PIKFYVE: variants seen among roughly 807,000 people sequenced by gnomAD.
The protein encoded by PIKFYVE is phosphoinositide kinase, FYVE-type zinc finger containing, also known as 1-phosphatidylinositol 3-phosphate 5-kinase.
Under a neutral mutation model 257.9 loss-of-function variants are expected in PIKFYVE, and 122 were observed. That is an observed-to-expected ratio of 0.47 (90% CI 0.41 to 0.55). The LOEUF is 0.55. Ranked by LOEUF, PIKFYVE falls within the 20% of genes least tolerant of loss-of-function variation. PIKFYVE has a pLI of 0.00. For missense variants in PIKFYVE, 2,160 were observed against 2,536.6 expected, an observed-to-expected ratio of 0.85 and a Z score of 3.19; for synonymous variants, 892 against 868.9, an observed-to-expected ratio of 1.03 and a Z score of -0.47.
chr2:208,351,882 A>C (rs1699807045), intron 38 of PIKFYVE, among the ~76,000 whole-genome samples: 1 of 152,124 alleles, frequency 6.6e-6, no homozygotes, highest in Non-Finnish European at 1.5e-5. Flanking sequence ...ACCAGGCCGC[A>C]CCTCCAACAT....
chr2:208,350,187 C>G, intron 36 of PIKFYVE, 104 bp downstream of exon 36: 4 of 1,500,396 alleles, frequency 2.7e-6, no homozygotes, highest in Non-Finnish European at 2.7e-6. Context: ...TGTCCCAGTT[C>G]TTGAAATGAA....
chr2:208,282,560 GA>G (rs1225411945), intron 5 of PIKFYVE, among the ~76,000 whole-genome samples: 24 of 152,288 alleles, frequency 1.6e-4, no homozygotes, highest in Admixed American at 1.5e-3. Flanking sequence ...TTTTTCTTCA[GA>G]AAACTTTAGT....
chr2:208,319,474 TTGTA>T (rs1695950716), intron 16 of PIKFYVE, among the ~76,000 whole-genome samples: 1 of 152,092 alleles, frequency 6.6e-6, no homozygotes, highest in Non-Finnish European at 1.5e-5. Flanking sequence ...TGAGGAAAAT[TTGTA>T]TGTGGGTGTG....
chr2:208,292,236 A>G (rs1418103235), intron 7 of PIKFYVE, among the ~76,000 whole-genome samples: 1 of 152,016 alleles, frequency 6.6e-6, no homozygotes, highest in African/African-American at 2.4e-5. Context: ...GTTTTGGTGA[A>G]TGTTCCATGT....
chr2:208,325,198 T>A, intron 19 of PIKFYVE, 72 bp from the exon 20 acceptor site: 1 of 1,560,736 alleles, frequency 6.4e-7, no homozygotes, highest in Non-Finnish European at 8.8e-7. Flanking sequence ...ATTAAGAGAG[T>A]GAATTAATTC....
chr2:208,283,299 C>T (rs760836781), intron 5 of PIKFYVE, among the ~76,000 whole-genome samples: 4 of 152,148 alleles, frequency 2.6e-5, no homozygotes, highest in Non-Finnish European at 5.9e-5. Flanking sequence ...ATGTGTGTTG[C>T]CTCCAGTGGC....
intron 5 of PIKFYVE, among the ~76,000 whole-genome samples, chr2:208,280,836 T>C (rs1051299494): frequency 4.6e-5 from 7 of 152,226 alleles, no homozygotes; most frequent in African/African-American, 1.4e-4. Flanking sequence ...GTGGAGACAT[T>C]ATGATCAACT....
chr2:208,340,242 T>C (rs1698569424), intron 31 of PIKFYVE, 111 bp downstream of exon 31: 17 of 1,363,644 alleles, frequency 1.2e-5, no homozygotes, highest in Non-Finnish European at 1.7e-5. Context: ...TCCTAAATTT[T>C]ATTTCATTTT....
intron 6 of PIKFYVE, among the ~76,000 whole-genome samples, chr2:208,286,195 G>A (rs1290766338): frequency 2.0e-5 from 3 of 152,128 alleles, no homozygotes; most frequent in African/African-American, 4.8e-5. Context: ...CAAGAACAGC[G>A]CATGGCATGT....
At chr2:208,300,336 T>G (rs552521157) in intron 8 of PIKFYVE, among the ~76,000 whole-genome samples, 2 of 152,302 alleles carry the variant, frequency 1.3e-5, no homozygotes, top group South Asian at 4.1e-4. Flanking sequence ...ACATTTTCCA[T>G]GGCCAGAAGT....
intron 7 of PIKFYVE, among the ~76,000 whole-genome samples, chr2:208,292,998 T>G (rs929747722): frequency 1.3e-5 from 2 of 152,114 alleles, no homozygotes; most frequent in Non-Finnish European, 2.9e-5. Context: ...TTTTGTCTTC[T>G]GTACCTTTTC....
intron 21 of PIKFYVE, 64 bp downstream of exon 21, chr2:208,328,344 CA>C: frequency 6.3e-7 from 1 of 1,592,812 alleles, no homozygotes; most frequent in Non-Finnish European, 8.6e-7. Context: ...TAAAAAAAAA[CA>C]AAAACAAAAA....
Position 208,352,723 on chromosome 2 carries a change from G to T in PIKFYVE, c.5785G>T (p.Glu1929Ter). The change falls in exon 39 of 42, where the codon GAG (glutamate) becomes TAG (stop). Residue 1929 changes from glutamate to a stop codon, truncating the protein, a stop_gained. Transcript: ENST00000264380. LOFTEE classifies it high-confidence loss of function. ...TTATAAGAACTCTCAGAACAACACT[G>T]AGAAGAAGTTAGATCTCCTTGTCAT... The part of the protein sequence containing the change: ...IGYKNSQNNT[E>*]KKLDLLVMEN... The T allele has an allele frequency of 6.2e-7, 1 of 1,613,768 alleles. No homozygotes were observed. Among genetic ancestry groups the T allele is most frequent in the South Asian group, 1.1e-5 (1 of 91,004 alleles).
intron 1 of PIKFYVE, among the ~76,000 whole-genome samples, chr2:208,271,176 G>T (rs1689376078): frequency 1.3e-5 from 2 of 152,198 alleles, no homozygotes; most frequent in South Asian, 4.1e-4. Flanking sequence ...GAAAGAGCTA[G>T]AAATGATGTG....
intron 31 of PIKFYVE, 86 bp from the exon 32 acceptor site, chr2:208,342,468 C>T (rs1184907838): frequency 1.0e-6 from 1 of 955,224 alleles, no homozygotes; most frequent in Admixed American, 1.9e-5. Context: ...TTCAGGTTAT[C>T]ATATCTGCAT....
In PIKFYVE at chr2:208,288,772, C is replaced by CT. The variant is rs1250928041; in HGVS notation, c.867dup (p.Val290CysfsTer15). On this transcript the variant is annotated frameshift_variant, in exon 7 of 42. Coordinates refer to ENST00000264380, the MANE Select transcript of PIKFYVE (RefSeq NM_015040.4). LOFTEE classifies it high-confidence loss of function. ...CTCAAATACTCCTCTTTCAACAAGA[C>CT]TTGTATCTGTGCAAGAGGATGCTGG... 1 of 1,614,054 alleles carries CT rather than the reference C, an allele frequency of 6.2e-7. No individual in the cohort carries two copies. The highest frequency in any genetic ancestry group is 8.5e-7 in the Non-Finnish European group (1 of 1,179,984).
chr2:208,302,886 C>T (rs547238071), intron 10 of PIKFYVE, among the ~76,000 whole-genome samples: 9 of 152,162 alleles, frequency 5.9e-5, no homozygotes, highest in Admixed American at 4.6e-4. Context: ...TCGAGACCAT[C>T]CTGGCTAACA....
chr2:208,312,010 T>C (rs1455877641), intron 12 of PIKFYVE, among the ~76,000 whole-genome samples: 1 of 152,212 alleles, frequency 6.6e-6, no homozygotes, highest in African/African-American at 2.4e-5. Context: ...TTTTCACGGC[T>C]CTATTGTGTT....
intron 31 of PIKFYVE, among the ~76,000 whole-genome samples, chr2:208,341,101 A>G (rs1485418907): frequency 6.6e-6 from 1 of 151,802 alleles, no homozygotes; most frequent in Non-Finnish European, 1.5e-5. Context: ...TCTGCCTCCT[A>G]GATTCAAGTG....
Sources: gnomAD v4.1 joint callset for allele counts (sites outside exome capture counted in the v4.1 genomes callset) on GRCh38, gnomAD v4.1.1 for gene constraint, MANE v1.5 for transcripts, NCBI Gene and HGNC (gene_info 2026-07-23, HGNC 2026-07-21) for gene names.